DAB1: variants seen among roughly 807,000 people sequenced by gnomAD.
DAB1 encodes the protein DAB adaptor protein 1, also known as disabled homolog 1.
In DAB1, 15 loss-of-function variants were observed where a neutral mutation model predicts 64.6. That is an observed-to-expected ratio of 0.23 (90% CI 0.16 to 0.36). The LOEUF is 0.36. DAB1 is among the 10% of genes least tolerant of loss of function. The pLI is 1.00. For missense variants in DAB1, 596 were observed against 706.7 expected (o/e 0.84, Z 1.78); for synonymous variants, 235 against 251.9 (o/e 0.93, Z 0.64).
At chr1:58,416,767 G>A (rs558332375) in intron 3 of DAB1, among the ~76,000 whole-genome samples, 56 of 152,224 alleles carry the variant, frequency 3.7e-4, no homozygotes, top group African/African-American at 1.3e-3. Flanking sequence ...GAGAGACAGA[G>A]GGACAGATCT....
intron 2 of DAB1, among the ~76,000 whole-genome samples, chr1:57,212,359 C>CTTTTT (rs57653531): frequency 1.2e-5 from 1 of 82,176 alleles, no homozygotes; most frequent in Non-Finnish European, 2.2e-5. Context: ...ATATTATTTC[C>CTTTTT]TTTTTTTTTT....
At chr1:56,998,285 C>T (rs969328780) in intron 14 of DAB1, among the ~76,000 whole-genome samples, 157 bp from the exon 15 acceptor site, 3 of 152,174 alleles carry the variant, frequency 2.0e-5, no homozygotes. Context: ...GGGTGCATAA[C>T]ATTTTGGCAA....
chr1:57,689,595 C>A (rs763452556), intron 6 of DAB1, among the ~76,000 whole-genome samples: 2 of 152,054 alleles, frequency 1.3e-5, no homozygotes, highest in Non-Finnish European at 2.9e-5. Context: ...CTAGTAAGAA[C>A]AAGTCAAATG....
chr1:57,213,601 C>A (rs958456379), intron 2 of DAB1, among the ~76,000 whole-genome samples: 1 of 152,202 alleles, frequency 6.6e-6, no homozygotes, highest in Non-Finnish European at 1.5e-5. Context: ...ATCACGTTTT[C>A]TTTCTACCTC....
At chr1:57,839,312 G>A (rs1652949997) in intron 1 of DAB1, among the ~76,000 whole-genome samples, 1 of 152,296 alleles carries the variant, frequency 6.6e-6, no homozygotes, top group African/African-American at 2.4e-5. Context: ...GACTTTGACA[G>A]TTCTCAGCCA....
chr1:58,519,687 A>G (rs766712996), intron 2 of DAB1, among the ~76,000 whole-genome samples: 1 of 152,226 alleles, frequency 6.6e-6, no homozygotes, highest in Non-Finnish European at 1.5e-5. Context: ...CCAAAAACAG[A>G]CAACAGAAAC....
chr1:57,510,771 T>C (rs933828131), intron 7 of DAB1, among the ~76,000 whole-genome samples: 5 of 152,098 alleles, frequency 3.3e-5, no homozygotes, highest in African/African-American at 1.2e-4. Flanking sequence ...CAAATCTATC[T>C]CCACTGTGTT....
At chr1:57,415,665 T>G (rs548834419) in intron 1 of DAB1, among the ~76,000 whole-genome samples, 2 of 152,258 alleles carry the variant, frequency 1.3e-5, no homozygotes, top group Admixed American at 1.3e-4. Context: ...CACTACTGGT[T>G]TAACCTGAGT....
chr1:57,172,707 C>T (rs1216269695), intron 2 of DAB1, among the ~76,000 whole-genome samples: 2 of 152,086 alleles, frequency 1.3e-5, no homozygotes, highest in African/African-American at 4.8e-5. Flanking sequence ...TTTTTAACAA[C>T]CAGCTCTCTT....
chr1:58,347,138 G>A (rs1053601054), intron 3 of DAB1, among the ~76,000 whole-genome samples: 15 of 151,966 alleles, frequency 9.9e-5, no homozygotes, highest in Admixed American at 5.9e-4. Flanking sequence ...ACAAAGTTTC[G>A]CTCTTGTTGC....
intron 7 of DAB1, among the ~76,000 whole-genome samples, chr1:57,627,737 T>A (rs1558554443): frequency 6.6e-6 from 1 of 152,254 alleles, no homozygotes; most frequent in Non-Finnish European, 1.5e-5. Context: ...AAAACCTGAC[T>A]CCATAGCCCA....
At chr1:57,467,498 T>C (rs1276046109) in intron 7 of DAB1, among the ~76,000 whole-genome samples, 6 of 152,194 alleles carry the variant, frequency 3.9e-5, no homozygotes, top group African/African-American at 1.4e-4. Context: ...AGGTCATTTG[T>C]AACATTAAAG....
At chr1:57,978,055 A>C (rs2100330982) in intron 5 of DAB1, among the ~76,000 whole-genome samples, 1 of 152,242 alleles carries the variant, frequency 6.6e-6, no homozygotes, top group South Asian at 2.1e-4. Context: ...ACAGAATTGC[A>C]AAAAAATTAC....
intron 7 of DAB1, among the ~76,000 whole-genome samples, chr1:57,583,973 C>T (rs1230129826): frequency 6.6e-6 from 1 of 152,164 alleles, no homozygotes; most frequent in Non-Finnish European, 1.5e-5. Flanking sequence ...TAAATATGGC[C>T]TGAGAAGGAC....
At chr1:58,268,647 T>G (rs1661233413) in intron 4 of DAB1, among the ~76,000 whole-genome samples, 1 of 152,222 alleles carries the variant, frequency 6.6e-6, no homozygotes, top group Admixed American at 6.5e-5. Flanking sequence ...AGAATTTCCA[T>G]GTTCATAGAC....
chr1:58,065,416 C>T (rs1184825123), intron 5 of DAB1, among the ~76,000 whole-genome samples: 3 of 152,026 alleles, frequency 2.0e-5, no homozygotes, highest in Non-Finnish European at 2.9e-5. Flanking sequence ...ACATGCCATA[C>T]AAGTATACCT....
At chr1:57,907,255 A>C (rs1180024154) in intron 5 of DAB1, among the ~76,000 whole-genome samples, 1 of 152,170 alleles carries the variant, frequency 6.6e-6, no homozygotes, top group Admixed American at 6.5e-5. Context: ...CGGTGCACCT[A>C]CAGAGGAGGC....
At chr1:57,205,753 C>T (rs1228533094) in intron 2 of DAB1, among the ~76,000 whole-genome samples, 2 of 152,166 alleles carry the variant, frequency 1.3e-5, no homozygotes, top group South Asian at 2.1e-4. Flanking sequence ...ACTGTCAGAT[C>T]TCAAAGTTGA....
intron 1 of DAB1, among the ~76,000 whole-genome samples, chr1:58,535,595 CAAAAAAAA>C (rs11315198): frequency 2.1e-5 from 2 of 95,574 alleles, no homozygotes; most frequent in African/African-American, 7.8e-5. Context: ...GTCTCTGTCT[CAAAAAAAA>C]AAAAAAAAAA....
Sources: gnomAD v4.1 joint callset for allele counts (sites outside exome capture counted in the v4.1 genomes callset) on GRCh38, gnomAD v4.1.1 for gene constraint, MANE v1.5 for transcripts, NCBI Gene and HGNC (gene_info 2026-07-23, HGNC 2026-07-21) for gene names.